Variants in ZFAND4 observed in about 807,000 individuals in gnomAD.
ZFAND4 encodes AN1-type zinc finger protein 4.
In ZFAND4, 43 loss-of-function variants were observed where a neutral mutation model predicts 64.4. The observed-to-expected ratio is 0.67, with a 90% CI of 0.52 to 0.86. The LOEUF is 0.86. Ranked by LOEUF, ZFAND4 falls within the 40% of genes least tolerant of loss-of-function variation. ZFAND4 has a pLI of 0.00. For missense variants in ZFAND4, 929 were observed against 859.8 expected (o/e 1.08, Z -1.01); for synonymous variants, 296 against 305.7 (o/e 0.97, Z 0.33).
At position 45,624,586 on chromosome 10, in the gene ZFAND4, C is replaced by T. The variant is rs768754689; in HGVS notation, c.1924G>A (p.Val642Ile). Residue 642 changes from valine to isoleucine, a missense_variant, in exon 8 of 10, where the codon GTA (valine) becomes ATA (isoleucine). Physicochemically the swap from Val to Ile is conservative, Grantham distance 29. Transcript: ENST00000344646. ...TTCAAAATTATCTGTAGCTTACCTA[C>T]GCTTTTCCCTGCTGCTGCATTATTT... ...NGNNAAAGKSVGECTTHHLPP... is the reference protein window; with the variant it reads ...NGNNAAAGKSIGECTTHHLPP... 22 of 1,613,574 alleles carry T rather than the reference C, an allele frequency of 1.4e-5. No homozygotes were observed. The highest frequency in any genetic ancestry group is 1.3e-4 in the East Asian group (6 of 44,842).
At chr10:45,670,993 A>G (rs1438095244) in intron 1 of ZFAND4, among the ~76,000 whole-genome samples, 1 of 152,230 alleles carries the variant, frequency 6.6e-6, no homozygotes, top group Non-Finnish European at 1.5e-5. Flanking sequence ...TCAAGAAAAA[A>G]ACAACCGCAT....
chr10:45,648,985 A>T, intron 4 of ZFAND4: 1 of 985,200 alleles, frequency 1.0e-6, no homozygotes, highest in Non-Finnish European at 1.2e-6. Context: ...GTACACAGAC[A>T]CGGCCGGGTG....
Position 45,627,073 on chromosome 10 carries a change from TG to T in ZFAND4, c.749del (p.Pro250HisfsTer3). 6.4e-7 allele frequency: 1 copy of T among 1,560,594 alleles called. No homozygotes were observed. The highest frequency in any genetic ancestry group is 8.7e-7 in the Non-Finnish European group (1 of 1,153,946). On this transcript the variant is annotated frameshift_variant, in exon 7 of 10. Transcript: ENST00000344646. LOFTEE classifies it high-confidence loss of function. Reference sequence around the variant, plus strand: ...CACTAGAAGGTCGAGGAGCTACAGGTGGGTGAGGTTTTATCTTGACAGCTTT... The same window carrying T: ...CACTAGAAGGTCGAGGAGCTACAGGTGGTGAGGTTTTATCTTGACAGCTTT... The part of the protein sequence containing the change: ...PKKAVKIKPH[P>X]PVAPRPSSGS...
At chr10:45,654,888 A>G (rs2048001939) in intron 2 of ZFAND4, among the ~76,000 whole-genome samples, 1 of 152,304 alleles carries the variant, frequency 6.6e-6, no homozygotes, top group East Asian at 1.9e-4. Context: ...GAGATAAACA[A>G]CAACACAATA....
chr10:45,626,583 T>C lies in ZFAND4; in HGVS notation c.1240A>G (p.Ser414Gly). 2 of 1,614,210 alleles carry C rather than the reference T, an allele frequency of 1.2e-6. No homozygotes were observed. The highest frequency in any genetic ancestry group is 1.7e-6 in the Non-Finnish European group (2 of 1,180,042). ...FAEGNADEQSSGLEGACKVNL... is the reference protein window; with the variant it reads ...FAEGNADEQSGGLEGACKVNL... Reference sequence around the variant, plus strand: ...ACTTTGCACGCACCTTCTAAGCCGCTGCTCTGTTCATCAGCATTTCCTTCT... The same window carrying C: ...ACTTTGCACGCACCTTCTAAGCCGCCGCTCTGTTCATCAGCATTTCCTTCT... Residue 414 changes from serine (S) to glycine (G), a missense_variant, in exon 7 of 10, where the codon AGC becomes GGC. Transcript: ENST00000344646.
At chr10:45,646,275 G>C (rs2047373982) in intron 5 of ZFAND4, among the ~76,000 whole-genome samples, 2 of 152,142 alleles carry the variant, frequency 1.3e-5, no homozygotes, top group South Asian at 4.1e-4. Flanking sequence ...CCTTGATGCT[G>C]TCTCTTGGCC....
At chr10:45,623,710 G>A (rs1386892993) in intron 8 of ZFAND4, among the ~76,000 whole-genome samples, 2 of 152,042 alleles carry the variant, frequency 1.3e-5, no homozygotes, top group African/African-American at 4.8e-5. Flanking sequence ...TGGTGGTGAT[G>A]GATCCCCAAC....
rs2045859725 is a variant in ZFAND4, at chr10:45,626,750, T to C, written c.1073A>G (p.His358Arg). 2 of 1,614,202 alleles carry C rather than the reference T, an allele frequency of 1.2e-6. No homozygotes were observed. The highest frequency in any genetic ancestry group is 1.7e-6 in the Non-Finnish European group (2 of 1,180,030). Residue 358 changes from histidine (H) to arginine (R), a missense_variant, in exon 7 of 10, where the codon CAT becomes CGT. Transcript: ENST00000344646. ...TTGCCTAGGCAGGGATGATCCAAGA[T>C]GGAGAACAGAGTCAGCAAGCTCCTG... ...NDQELADSVL[H>R]LGSSLPRQTK...
At chr10:45,635,793 G>C (rs2046559179) in intron 6 of ZFAND4, among the ~76,000 whole-genome samples, 1 of 152,142 alleles carries the variant, frequency 6.6e-6, no homozygotes, top group African/African-American at 2.4e-5. Flanking sequence ...AAAACTTCTG[G>C]AGATTGGTTG....
rs567895468 is a variant in ZFAND4, at chr10:45,655,513, G to A, written c.185-2454C>T. Among the ~76,000 whole-genome samples, 24 of 152,048 alleles carry A rather than the reference G, an allele frequency of 1.6e-4. 1 individual carries two copies. The highest frequency in any genetic ancestry group is 5.8e-4 in the African/African-American group (24 of 41,478). ...CTAGCATTAGAAAAGAAATAACAAA[G>A]ATCAGAGCAGAACTAAATTGAATGG... On this transcript the variant is annotated intron_variant, in intron 2 of 9. Transcript: ENST00000344646.
At position 45,618,148 on chromosome 10, in the gene ZFAND4, G is replaced by A. The variant is rs762148241; in HGVS notation, c.2040C>T (p.Tyr680=). ...CCAGCTCGCCAACCTGCCTGCATTC[G>A]TAGCTACTAGCCAGTCCTGTTTTCT... is the stretch of plus-strand genomic sequence containing the variant. ...CGKKTGLASS[Y]ECRCGNNFCA... is the part of the protein sequence containing the mutation. Residue 680 remains tyrosine (Y), a synonymous_variant, in exon 9 of 10, where the codon TAC becomes TAT. Coordinates refer to ENST00000344646, the MANE Select transcript of ZFAND4 (RefSeq NM_174890.4). 3.9e-5 allele frequency: 63 copies of A among 1,607,584 alleles called. No homozygotes were observed. Among genetic ancestry groups the A allele is most frequent in the Non-Finnish European group, 4.8e-5 (57 of 1,178,458 alleles).
At chr10:45,657,797 A>T (rs938418498) in intron 2 of ZFAND4, among the ~76,000 whole-genome samples, 2 of 152,238 alleles carry the variant, frequency 1.3e-5, no homozygotes, top group Non-Finnish European at 2.9e-5. Flanking sequence ...GATAAGTCTC[A>T]AACATATTAT....
At position 45,626,638 on chromosome 10, in the gene ZFAND4, T is replaced by C; in HGVS notation, c.1185A>G (p.Leu395=). ...SEECVTEQSL[L]PKVGSLASFA... is the part of the protein sequence containing the mutation. The stretch of plus-strand genomic sequence containing the variant: ...ATGAAGCCAGTGAGCCCACTTTAGG[T>C]AGAAGTGATTGTTCGGTTACACATT... Residue 395 remains leucine (L), a synonymous_variant, in exon 7 of 10, where the codon CTA becomes CTG. Transcript: ENST00000344646. 6.2e-7 allele frequency: 1 copy of C among 1,614,236 alleles called. No homozygotes were observed. Among genetic ancestry groups the C allele is most frequent in the Non-Finnish European group, 8.5e-7 (1 of 1,180,044 alleles).
chr10:45,643,325 T>G (rs2047152933), intron 5 of ZFAND4, among the ~76,000 whole-genome samples: 1 of 152,020 alleles, frequency 6.6e-6, no homozygotes. Context: ...CTCATTTAAC[T>G]TTCACAGTTT....
At chr10:45,642,460 C>T (rs935340277) in intron 5 of ZFAND4, among the ~76,000 whole-genome samples, 25 of 151,652 alleles carry the variant, frequency 1.6e-4, no homozygotes, top group South Asian at 1.5e-3. Flanking sequence ...ACAAAAAATT[C>T]GCCGGGCGTG....
chr10:45,672,118 G>T (rs2049238039), intron 1 of ZFAND4, 132 bp downstream of exon 1: 1 of 152,168 alleles, frequency 6.6e-6, no homozygotes, highest in Admixed American at 6.5e-5. Context: ...CCTAAAGTTC[G>T]AAATACGAGC....
At chr10:45,659,905 C>T (rs1046664909) in intron 2 of ZFAND4, among the ~76,000 whole-genome samples, 1 of 152,100 alleles carries the variant, frequency 6.6e-6, no homozygotes, top group African/African-American at 2.4e-5. Flanking sequence ...AGGCCGGGCG[C>T]GGTGGCTCAC....
intron 8 of ZFAND4, among the ~76,000 whole-genome samples, chr10:45,622,362 A>C (rs2045492964): frequency 6.6e-6 from 1 of 152,220 alleles, no homozygotes; most frequent in Non-Finnish European, 1.5e-5. Flanking sequence ...AAAGACCTAA[A>C]CATAAGACCT....
intron 1 of ZFAND4, among the ~76,000 whole-genome samples, chr10:45,664,409 C>T (rs1451627307): frequency 6.6e-6 from 1 of 151,824 alleles, no homozygotes; most frequent in Non-Finnish European, 1.5e-5. Context: ...GCTGGGATTA[C>T]AGGCACCCAC....
Sources: gnomAD v4.1 joint callset for allele counts (sites outside exome capture counted in the v4.1 genomes callset) on GRCh38, gnomAD v4.1.1 for gene constraint, MANE v1.5 for transcripts, NCBI Gene and HGNC (gene_info 2026-07-23, HGNC 2026-07-21) for gene names.